WWOX: variants seen among roughly 807,000 people sequenced by gnomAD.
WWOX encodes the protein WW domain-containing oxidoreductase.
Under a neutral mutation model 46.2 loss-of-function variants are expected in WWOX, and 69 were observed. The observed-to-expected ratio is 1.49, with a 90% CI of 1.23 to 1.82. The LOEUF (loss-of-function observed/expected upper bound fraction) is 1.82. WWOX is among the 40% of genes most tolerant of loss of function. The pLI is 0.00. For synonymous variants in WWOX, 359 were observed against 202.6 expected (o/e 1.77, Z -6.56); for missense variants, 919 against 542.6 (o/e 1.69, Z -6.89).
intron 8 of WWOX, among the ~76,000 whole-genome samples, chr16:78,532,641 T>C (rs1037344370): frequency 3.3e-5 from 5 of 152,186 alleles, no homozygotes; most frequent in African/African-American, 1.2e-4. Context: ...TTACAGTTCC[T>C]TGTGGCTGGG....
intron 8 of WWOX, among the ~76,000 whole-genome samples, chr16:78,477,935 TG>T (rs2084391679): frequency 1.3e-5 from 2 of 152,228 alleles, no homozygotes; most frequent in South Asian, 4.1e-4. Flanking sequence ...CGTGCTAAAA[TG>T]TGTGTATTAG....
At chr16:79,030,232 G>C (rs772536109) in intron 8 of WWOX, among the ~76,000 whole-genome samples, 21 of 152,130 alleles carry the variant, frequency 1.4e-4, no homozygotes, top group Non-Finnish European at 2.1e-4. Flanking sequence ...TATTACTTAG[G>C]AAAACTTTTA....
intron 8 of WWOX, among the ~76,000 whole-genome samples, chr16:78,660,060 A>C (rs945132159): frequency 1.3e-5 from 2 of 152,228 alleles, no homozygotes; most frequent in African/African-American, 4.8e-5. Context: ...CCATAGTGAC[A>C]CCAGAGTTGT....
chr16:78,762,482 C>T (rs1458881135), intron 8 of WWOX, among the ~76,000 whole-genome samples: 1 of 152,200 alleles, frequency 6.6e-6, no homozygotes, highest in Non-Finnish European at 1.5e-5. Flanking sequence ...CTTATGTGCT[C>T]AGCCTGTGGT....
At chr16:78,968,044 A>G (rs2047927) in intron 8 of WWOX, among the ~76,000 whole-genome samples, 77,346 of 151,416 alleles carry the variant, frequency 0.51, 19,967 homozygotes, top group African/African-American at 0.58. Flanking sequence ...GGCACAGTGC[A>G]TGGTCTGCAT....
chr16:79,087,082 C>G (rs1410466302), intron 8 of WWOX, among the ~76,000 whole-genome samples: 1 of 152,158 alleles, frequency 6.6e-6, no homozygotes, highest in East Asian at 1.9e-4. Context: ...CTACCAGGCA[C>G]TGATGGAGTA....
At chr16:79,089,976 G>A (rs2048924882) in intron 8 of WWOX, 2 of 148,572 alleles carry the variant, frequency 1.3e-5, no homozygotes, top group Non-Finnish European at 3.1e-5. Context: ...AAAAAAAAGG[G>A]GGGGCCGGCG....
rs1301146514 is a variant in WWOX, at chr16:78,723,955, C to T, written c.1056+291203C>T. 2.0e-5 allele frequency among the ~76,000 whole-genome samples: 3 copies of T among 152,252 alleles called. No individual in the cohort carries two copies. The East Asian group carries it at 5.8e-4, about 29-fold the overall frequency. ...GACTTCACCTGCACAGTGGTTTCAC[C>T]ATCCATCCCCCCATGGCCTCCATGG... On this transcript the variant is annotated intron_variant, in intron 8 of 8. Coordinates refer to ENST00000566780, the MANE Select transcript of WWOX (RefSeq NM_016373.4).
intron 1 of WWOX, among the ~76,000 whole-genome samples, chr16:78,108,146 T>G (rs1002507084): frequency 6.6e-6 from 1 of 151,540 alleles, no homozygotes; most frequent in East Asian, 1.9e-4. Flanking sequence ...CAGGATGGTC[T>G]CCATCTCCTG....
chr16:78,934,384 C>T (rs952660305), intron 8 of WWOX, among the ~76,000 whole-genome samples: 1 of 147,268 alleles, frequency 6.8e-6, no homozygotes, highest in Non-Finnish European at 1.5e-5. Context: ...TGGTGCATAC[C>T]TGTAGTCCTA....
chr16:78,441,219 G>T (rs1483318413), intron 8 of WWOX, among the ~76,000 whole-genome samples: 1 of 152,168 alleles, frequency 6.6e-6, no homozygotes, highest in Non-Finnish European at 1.5e-5. Flanking sequence ...ACTGCACCCA[G>T]CCTGTAGTTT....
chr16:78,832,312 A>G (rs2051851492), intron 8 of WWOX, among the ~76,000 whole-genome samples: 1 of 152,182 alleles, frequency 6.6e-6, no homozygotes, highest in Non-Finnish European at 1.5e-5. Context: ...TCTCCCACAG[A>G]GTGATGATCT....
intron 8 of WWOX, among the ~76,000 whole-genome samples, chr16:78,968,084 GC>G (rs2046396484): frequency 1.3e-5 from 2 of 150,850 alleles, no homozygotes; most frequent in Admixed American, 1.4e-4. Flanking sequence ...ATGGCACAGT[GC>G]ATGGTCCGCA....
At chr16:78,553,633 T>C (rs2044223765) in intron 8 of WWOX, among the ~76,000 whole-genome samples, 1 of 152,052 alleles carries the variant, frequency 6.6e-6, no homozygotes, top group Admixed American at 6.5e-5. Flanking sequence ...TATGGCGCCC[T>C]AATAGAAGGA....
At chr16:78,891,588 C>T (rs1055594994) in intron 8 of WWOX, 2 of 152,176 alleles carry the variant, frequency 1.3e-5, no homozygotes, top group Non-Finnish European at 2.9e-5. Flanking sequence ...ATAATTGATG[C>T]AAAGAATTAA....
At chr16:78,627,627 G>C (rs1437516916) in intron 8 of WWOX, among the ~76,000 whole-genome samples, 3 of 152,194 alleles carry the variant, frequency 2.0e-5, no homozygotes, top group Non-Finnish European at 4.4e-5. Context: ...TAAATAGGAA[G>C]ACAAAGAATG....
At chr16:78,733,482 T>C (rs1004526037) in intron 8 of WWOX, among the ~76,000 whole-genome samples, 1 of 151,454 alleles carries the variant, frequency 6.6e-6, no homozygotes, top group Non-Finnish European at 1.5e-5. Context: ...GCATGGTGGC[T>C]CATGCCTGTA....
At chr16:78,164,414 C>A in intron 5 of WWOX, 125 bp downstream of exon 5, 1 of 857,342 alleles carries the variant, frequency 1.2e-6, no homozygotes, top group Non-Finnish European at 1.9e-6. Context: ...TTTTTAAAGT[C>A]ATCTTCACTT....
In WWOX at chr16:78,761,560, C is replaced by G. The variant is rs536696444; in HGVS notation, c.1056+328808C>G. 1.9e-3 allele frequency among the ~76,000 whole-genome samples: 285 copies of G among 152,080 alleles called. 3 individuals carry two copies. Among genetic ancestry groups the G allele is most frequent in the African/African-American group, 6.6e-3 (274 of 41,498 alleles). On this transcript the variant is annotated intron_variant, in intron 8 of 8. Transcript: ENST00000566780. ...TAGTTTCCCTGTGGTTTGTGGTGGG[C>G]TCACAGCTCTTGACCTCAGGACTCT...
Sources: gnomAD v4.1 joint callset for allele counts (sites outside exome capture counted in the v4.1 genomes callset) on GRCh38, gnomAD v4.1.1 for gene constraint, MANE v1.5 for transcripts, NCBI Gene and HGNC (gene_info 2026-07-23, HGNC 2026-07-21) for gene names.